Variants in MARCHF8 observed in about 807,000 individuals in gnomAD.
MARCHF8 encodes the protein E3 ubiquitin-protein ligase MARCHF8.
In MARCHF8, 40 loss-of-function variants were observed where a neutral mutation model predicts 51.6. The ratio of observed to expected loss-of-function variants is 0.77; its 90% CI spans 0.60 to 1.01. MARCHF8 has a LOEUF of 1.01. MARCHF8 is among the 50% of genes least tolerant of loss of function. MARCHF8 has a pLI of 0.00. For missense variants in MARCHF8, 685 were observed against 708.6 expected (o/e 0.97, Z 0.38); for synonymous variants, 263 against 280.3 (o/e 0.94, Z 0.62).
intron 1 of MARCHF8, among the ~76,000 whole-genome samples, chr10:45,579,260 A>G (rs2044525451): frequency 6.6e-6 from 1 of 152,062 alleles, no homozygotes; most frequent in Non-Finnish European, 1.5e-5. Context: ...AATACAAACA[A>G]CTGGTGAATC....
intron 3 of MARCHF8, among the ~76,000 whole-genome samples, chr10:45,481,829 C>T (rs1171642249): frequency 6.6e-6 from 1 of 152,174 alleles, no homozygotes; most frequent in Non-Finnish European, 1.5e-5. Flanking sequence ...TTAGAGCAAT[C>T]AGGCAAGAGA....
chr10:45,466,062 C>T (rs1356566043), intron 3 of MARCHF8, among the ~76,000 whole-genome samples: 2 of 152,138 alleles, frequency 1.3e-5, no homozygotes, highest in Non-Finnish European at 2.9e-5. Flanking sequence ...CCTTTTTCTC[C>T]AACTGCCTTA....
intron 1 of MARCHF8, among the ~76,000 whole-genome samples, chr10:45,541,138 C>T (rs2044046293): frequency 6.6e-6 from 1 of 152,150 alleles, no homozygotes; most frequent in Non-Finnish European, 1.5e-5. Context: ...TATTGCGGCA[C>T]TATTCACAAT....
At chr10:45,559,227 T>A (rs1204223833) in intron 1 of MARCHF8, among the ~76,000 whole-genome samples, 4 of 152,248 alleles carry the variant, frequency 2.6e-5, no homozygotes, top group African/African-American at 7.2e-5. Context: ...GAAAATCACT[T>A]GCAAACTATA....
chr10:45,508,251 T>G (rs2043424322), intron 2 of MARCHF8, among the ~76,000 whole-genome samples: 1 of 151,842 alleles, frequency 6.6e-6, no homozygotes, highest in East Asian at 1.9e-4. Flanking sequence ...AATAAAAAAT[T>G]TGAGATACTT....
At chr10:45,571,445 T>A (rs893827953) in intron 1 of MARCHF8, among the ~76,000 whole-genome samples, 1 of 151,762 alleles carries the variant, frequency 6.6e-6, no homozygotes, top group East Asian at 1.9e-4. Context: ...TCCTATAAAA[T>A]GGCCCCACCC....
intron 1 of MARCHF8, among the ~76,000 whole-genome samples, chr10:45,562,584 AAC>A (rs1419284712): frequency 6.6e-6 from 1 of 152,220 alleles, no homozygotes; most frequent in Non-Finnish European, 1.5e-5. Flanking sequence ...CAGCTAAAGT[AAC>A]AGAGTTTATG....
chr10:45,489,874 G>A (rs1202879407), intron 2 of MARCHF8, among the ~76,000 whole-genome samples: 1 of 152,136 alleles, frequency 6.6e-6, no homozygotes, highest in Non-Finnish European at 1.5e-5. Flanking sequence ...ACCAGTCCTG[G>A]GGTGTCTGGC....
chr10:45,543,256 T>A (rs918550332), intron 1 of MARCHF8, among the ~76,000 whole-genome samples: 4 of 152,222 alleles, frequency 2.6e-5, no homozygotes, highest in Non-Finnish European at 4.4e-5. Flanking sequence ...CATGACATTG[T>A]ACACAGATAT....
intron 2 of MARCHF8, among the ~76,000 whole-genome samples, chr10:45,490,272 G>A (rs940684098): frequency 1.3e-5 from 2 of 152,134 alleles, no homozygotes; most frequent in African/African-American, 4.8e-5. Flanking sequence ...TAACTATTTG[G>A]AATAGGGACT....
At chr10:45,459,355 T>C in intron 6 of MARCHF8, 88 bp from the exon 7 acceptor site, 2 of 1,410,296 alleles carry the variant, frequency 1.4e-6, no homozygotes, top group East Asian at 2.4e-5. Context: ...AAGATTGGCT[T>C]TCCACCCCAC....
intron 1 of MARCHF8, among the ~76,000 whole-genome samples, 195 bp from the exon 2 acceptor site, chr10:45,533,484 G>A (rs544162711): frequency 1.2e-4 from 18 of 152,272 alleles, no homozygotes; most frequent in African/African-American, 4.3e-4. Flanking sequence ...AATAAGATGG[G>A]AGCACCTGAA....
chr10:45,563,978 C>G (rs2044337551), intron 1 of MARCHF8, among the ~76,000 whole-genome samples: 1 of 152,118 alleles, frequency 6.6e-6, no homozygotes, highest in African/African-American at 2.4e-5. Context: ...GAAATCTCAG[C>G]AAAGAAATAA....
chr10:45,577,905 T>C (rs1158116416), intron 1 of MARCHF8, among the ~76,000 whole-genome samples: 2 of 152,174 alleles, frequency 1.3e-5, no homozygotes, highest in Admixed American at 1.3e-4. Context: ...TCTGTAGTCC[T>C]AGCTACTTGG....
chr10:45,458,488 G>A lies in MARCHF8; in HGVS notation c.1473C>T (p.Thr491=), dbSNP rs372427281. Residue 491 remains threonine, a synonymous_variant, in exon 8 of 8, where the codon ACC becomes ACT. Transcript: ENST00000453424. ...GAACATACATAAAAAGAAGTCCTCC[G>A]GTGAAGCCGATGGCCACAACCACCA... The part of the protein sequence containing the change: ...TKLVVVAIGF[T]GGLLFMYVQC... 113 of 1,611,808 alleles carry A rather than the reference G, an allele frequency of 7.0e-5. No individual in the cohort carries two copies. The highest frequency in any genetic ancestry group is 1.2e-4 in the African/African-American group (9 of 74,786).
At chr10:45,473,793 A>C (rs1303033390) in intron 3 of MARCHF8, among the ~76,000 whole-genome samples, 2 of 152,158 alleles carry the variant, frequency 1.3e-5, no homozygotes, top group Non-Finnish European at 2.9e-5. Context: ...GGTTACAGCC[A>C]CCTGCAATAG....
Position 45,466,229 on chromosome 10 carries a change from C to A in MARCHF8, c.154-1902G>T, listed in dbSNP as rs565252667. Among the ~76,000 whole-genome samples the A allele has an allele frequency of 2.0e-5, 3 of 152,326 alleles. No individual in the cohort carries two copies. The South Asian group carries it at 6.2e-4, about 32-fold the overall frequency. On this transcript the variant is annotated intron_variant, in intron 3 of 7. Transcript: ENST00000453424. ...GGGTATCCATGCTAAGGTCCCCAAACTCCTACAGTCCCCCTGTTCTCTGAC... is the reference window on the plus strand; with the variant it reads ...GGGTATCCATGCTAAGGTCCCCAAAATCCTACAGTCCCCCTGTTCTCTGAC...
chr10:45,527,852 A>G (rs2043817662), intron 2 of MARCHF8, among the ~76,000 whole-genome samples: 1 of 152,238 alleles, frequency 6.6e-6, no homozygotes. Context: ...AAAACGCTCA[A>G]GAAAATACTA....
At chr10:45,547,414 C>G (rs1443445132) in intron 1 of MARCHF8, among the ~76,000 whole-genome samples, 1 of 152,128 alleles carries the variant, frequency 6.6e-6, no homozygotes, top group Non-Finnish European at 1.5e-5. Context: ...CAAGGACTCT[C>G]AGCTGCCAGC....
Sources: allele counts gnomAD v4.1 joint callset (sites outside exome capture counted in the v4.1 genomes callset), GRCh38; gene constraint gnomAD v4.1.1; transcripts MANE v1.5; gene names NCBI Gene and HGNC (gene_info 2026-07-23, HGNC 2026-07-21).